Variants in RBMS3 observed in about 807,000 individuals in gnomAD.
RBMS3 encodes RNA binding motif single stranded interacting protein 3.
RBMS3 carries 27 observed loss-of-function variants against 66.8 expected under a neutral mutation model. The ratio of observed to expected loss-of-function variants is 0.40; its 90% CI spans 0.30 to 0.56. The LOEUF is 0.56. Ranked by LOEUF, RBMS3 falls within the 20% of genes least tolerant of loss-of-function variation. The pLI, the probability that RBMS3 is intolerant of heterozygous loss-of-function variation, is 0.40. For synonymous variants in RBMS3, 188 were observed against 183.0 expected (o/e 1.03, Z -0.22); for missense variants, 513 against 549.5 (o/e 0.93, Z 0.66).
chr3:29,793,890 G>A (rs552027373), intron 6 of RBMS3, among the ~76,000 whole-genome samples: 12 of 152,238 alleles, frequency 7.9e-5, no homozygotes, highest in Non-Finnish European at 1.8e-4. Context: ...GGTCATGGAA[G>A]TGGCTCTCTC....
chr3:29,552,687 A>G (rs1430960214), intron 3 of RBMS3, among the ~76,000 whole-genome samples: 1 of 152,202 alleles, frequency 6.6e-6, no homozygotes, highest in East Asian at 1.9e-4. Flanking sequence ...TAAAAAAAAT[A>G]TAATCACAAT....
chr3:29,306,933 C>A (rs1324547175), intron 1 of RBMS3, among the ~76,000 whole-genome samples: 1 of 151,788 alleles, frequency 6.6e-6, no homozygotes, highest in Non-Finnish European at 1.5e-5. Flanking sequence ...TTTTGTGGAC[C>A]CCATAGCACA....
At chr3:29,810,935 T>C (rs2057712174) in intron 6 of RBMS3, among the ~76,000 whole-genome samples, 1 of 152,190 alleles carries the variant, frequency 6.6e-6, no homozygotes, top group South Asian at 2.1e-4. Flanking sequence ...TTACTTTTGA[T>C]GTATGTATAT....
At chr3:29,988,857 T>C (rs193113002) in intron 13 of RBMS3, among the ~76,000 whole-genome samples, 2 of 152,340 alleles carry the variant, frequency 1.3e-5, no homozygotes, top group African/African-American at 4.8e-5. Flanking sequence ...CATTTTAAGA[T>C]GATCACTCAG....
intron 3 of RBMS3, among the ~76,000 whole-genome samples, chr3:29,511,918 C>A (rs2044427910): frequency 6.6e-6 from 1 of 151,988 alleles, no homozygotes; most frequent in Non-Finnish European, 1.5e-5. Flanking sequence ...GTTTGGAATT[C>A]CCTGGAGAGA....
At chr3:29,410,354 G>A (rs114111014) in intron 1 of RBMS3, among the ~76,000 whole-genome samples, 5 of 152,130 alleles carry the variant, frequency 3.3e-5, no homozygotes, top group African/African-American at 9.7e-5. Context: ...CCTATATAAG[G>A]TTTCTTTTAG....
intron 4 of RBMS3, among the ~76,000 whole-genome samples, chr3:29,713,012 C>T (rs1157627544): frequency 6.6e-6 from 1 of 152,122 alleles, no homozygotes; most frequent in Non-Finnish European, 1.5e-5. Flanking sequence ...TTCTGGTTCT[C>T]AGGAGAACCT....
At chr3:29,835,478 T>C (rs2058480998) in intron 6 of RBMS3, among the ~76,000 whole-genome samples, 1 of 151,934 alleles carries the variant, frequency 6.6e-6, no homozygotes, top group African/African-American at 2.4e-5. Context: ...TAACAGGAAG[T>C]ATACTGGAAA....
chr3:29,518,531 G>T (rs1305261644), intron 3 of RBMS3, among the ~76,000 whole-genome samples: 2 of 152,104 alleles, frequency 1.3e-5, no homozygotes, highest in Non-Finnish European at 2.9e-5. Flanking sequence ...ATTATTAAAG[G>T]TGCATCCTTT....
At position 29,579,022 on chromosome 3, in the gene RBMS3, C is replaced by T. The variant is rs991479346; in HGVS notation, c.308-8092C>T. Among the ~76,000 whole-genome samples the T allele has an allele frequency of 3.7e-5, 5 of 134,796 alleles. 1 individual carries two copies. The highest frequency in any genetic ancestry group is 1.2e-4 in the African/African-American group (4 of 34,388). 88.4% of individuals were successfully genotyped at this position (134,796 alleles called of 152,430 possible). On this transcript the variant is annotated intron_variant, in intron 3 of 14. Transcript: ENST00000383767. ...TTCACCTTGTTAGCCAGGATGGTCTCGATCTCCTGACCTCATGATCCACCC... is the reference window on the plus strand; with the variant it reads ...TTCACCTTGTTAGCCAGGATGGTCTTGATCTCCTGACCTCATGATCCACCC...
intron 4 of RBMS3, among the ~76,000 whole-genome samples, chr3:29,694,456 G>T (rs889244422): frequency 6.6e-6 from 1 of 152,020 alleles, no homozygotes; most frequent in African/African-American, 2.4e-5. Context: ...ATTTCATAGG[G>T]CTGTCTTACT....
chr3:29,853,294 C>T (rs183894304), intron 6 of RBMS3, among the ~76,000 whole-genome samples: 5 of 152,136 alleles, frequency 3.3e-5, no homozygotes, highest in African/African-American at 2.4e-5. Flanking sequence ...TGCACATGTA[C>T]CCCTGACCTT....
intron 3 of RBMS3, among the ~76,000 whole-genome samples, chr3:29,583,574 G>A (rs912577680): frequency 3.3e-4 from 51 of 152,252 alleles, no homozygotes; most frequent in African/African-American, 1.2e-3. Context: ...ACAACACCTG[G>A]TAATGGAGAG....
chr3:29,366,200 A>T (rs1426177731), intron 1 of RBMS3, among the ~76,000 whole-genome samples: 1 of 152,182 alleles, frequency 6.6e-6, no homozygotes, highest in Non-Finnish European at 1.5e-5. Flanking sequence ...AATTTGTGAA[A>T]TTTGAATTGC....
rs71804762 is a variant in RBMS3 at position 29,500,065 on chromosome 3, TC to T, written c.307+11567del. On this transcript the variant is annotated intron_variant, in intron 3 of 14. Coordinates refer to ENST00000383767, the MANE Select transcript of RBMS3 (RefSeq NM_001003793.3). Reference sequence around the variant, plus strand: ...AGCTTTTAATCAATGAGAAGGATTTTCTTTTTTTTTTTTTGTAAAAAAGAAG... The same window carrying T: ...AGCTTTTAATCAATGAGAAGGATTTTTTTTTTTTTTTTTGTAAAAAAGAAG... Among the ~76,000 whole-genome samples, 1,031 of 114,588 alleles carry T rather than the reference TC, an allele frequency of 9.0e-3. 19 individuals are homozygous for T. The highest frequency in any genetic ancestry group is 0.061 in the Admixed American group (720 of 11,774). 75.2% of individuals were successfully genotyped at this position (114,588 alleles called of 152,430 possible). A position where few individuals can be genotyped will look rare whatever the true frequency, so the allele number is the denominator to read the frequency against.
At chr3:29,301,621 T>G (rs983867536) in intron 1 of RBMS3, among the ~76,000 whole-genome samples, 26 of 152,072 alleles carry the variant, frequency 1.7e-4, no homozygotes, top group Admixed American at 1.6e-3. Context: ...GTATTTTCTT[T>G]GTTTGCTTGC....
intron 3 of RBMS3, among the ~76,000 whole-genome samples, chr3:29,527,550 A>G (rs931143478): frequency 6.6e-6 from 1 of 152,182 alleles, no homozygotes; most frequent in East Asian, 1.9e-4. Context: ...TACACTTTTC[A>G]TGTTCTGCAT....
intron 12 of RBMS3, among the ~76,000 whole-genome samples, chr3:29,951,723 A>G (rs776274460): frequency 4.0e-5 from 6 of 151,670 alleles, no homozygotes; most frequent in Non-Finnish European, 8.9e-5. Flanking sequence ...TCCAAACTCA[A>G]TATCTAAAAA....
intron 1 of RBMS3, among the ~76,000 whole-genome samples, chr3:29,308,109 G>A (rs2034126798): frequency 6.6e-6 from 1 of 151,828 alleles, no homozygotes; most frequent in Non-Finnish European, 1.5e-5. Flanking sequence ...CCATTAAGTA[G>A]TATAAATTTC....
Sources: gnomAD v4.1 joint callset for allele counts (sites outside exome capture counted in the v4.1 genomes callset) on GRCh38, gnomAD v4.1.1 for gene constraint, MANE v1.5 for transcripts, NCBI Gene and HGNC (gene_info 2026-07-23, HGNC 2026-07-21) for gene names.